WWOX: variants seen among roughly 807,000 people sequenced by gnomAD.
The protein encoded by WWOX is WW domain-containing oxidoreductase.
A neutral mutation model predicts 46.2 loss-of-function variants in WWOX; 69 were observed. That is an observed-to-expected ratio of 1.49 (90% CI 1.23 to 1.82). The LOEUF (loss-of-function observed/expected upper bound fraction) is 1.82. Among genes scored for constraint, WWOX ranks in the 40% most tolerant of loss-of-function variants. The pLI, the probability that WWOX is intolerant of heterozygous loss-of-function variation, is 0.00. For missense variants in WWOX, 919 were observed against 542.6 expected (o/e 1.69, Z -6.89); for synonymous variants, 359 against 202.6 (o/e 1.77, Z -6.56).
intron 8 of WWOX, among the ~76,000 whole-genome samples, chr16:79,153,838 C>A (rs1172639870): frequency 1.3e-5 from 2 of 152,018 alleles, no homozygotes; most frequent in Non-Finnish European, 2.9e-5. Flanking sequence ...CAAATAAGAA[C>A]AGGTTGTAAC....
At chr16:78,848,878 T>C (rs896740549) in intron 8 of WWOX, among the ~76,000 whole-genome samples, 3 of 152,216 alleles carry the variant, frequency 2.0e-5, no homozygotes, top group African/African-American at 7.2e-5. Flanking sequence ...GAAAAATCTA[T>C]TTAGCCCAGT....
chr16:78,209,610 T>C (rs2151785799), intron 5 of WWOX, among the ~76,000 whole-genome samples: 1 of 152,304 alleles, frequency 6.6e-6, no homozygotes, highest in South Asian at 2.1e-4. Flanking sequence ...GTAAATCTAA[T>C]ACCTTCCATC....
intron 8 of WWOX, among the ~76,000 whole-genome samples, chr16:78,676,475 C>A (rs942301421): frequency 1.3e-5 from 2 of 151,828 alleles, no homozygotes; most frequent in African/African-American, 2.4e-5. Flanking sequence ...AAGCTCCCCA[C>A]CCCCACCTTT....
intron 6 of WWOX, among the ~76,000 whole-genome samples, chr16:78,399,966 T>C (rs1312907556): frequency 1.3e-5 from 2 of 152,150 alleles, no homozygotes; most frequent in East Asian, 3.9e-4. Context: ...CTGCTGAAAA[T>C]CCCCAAGGAA....
chr16:79,201,449 G>A (rs552480866), intron 8 of WWOX, among the ~76,000 whole-genome samples: 4 of 151,462 alleles, frequency 2.6e-5, no homozygotes, highest in African/African-American at 9.7e-5. Flanking sequence ...GAGCTGGCTC[G>A]GTTTTCTAAA....
chr16:78,406,101 C>T (rs1369946810), intron 6 of WWOX, among the ~76,000 whole-genome samples: 1 of 151,258 alleles, frequency 6.6e-6, no homozygotes, highest in East Asian at 2.0e-4. Context: ...TAAAAGATGC[C>T]CTTCGTATTG....
chr16:78,419,950 C>T (rs117394566), intron 6 of WWOX, among the ~76,000 whole-genome samples: 2,187 of 152,116 alleles, frequency 0.014, 21 homozygotes, highest in Non-Finnish European at 0.021. Context: ...AATGAAAACT[C>T]ATTTAAAAAA....
intron 8 of WWOX, chr16:79,101,402 C>A (rs1320148190): frequency 2.6e-5 from 4 of 151,996 alleles, no homozygotes; most frequent in African/African-American, 9.7e-5. Context: ...GTAAATTCCC[C>A]AAATTTACAA....
rs542703454 is a variant in WWOX at position 79,125,806 on chromosome 16, G to A, written c.1057-85802G>A. On this transcript the variant is annotated intron_variant, in intron 8 of 8. Transcript: ENST00000566780. ...CCCTTGTGCTAAATTGAAACATTAT[G>A]GTGTTGCTTTGAGCAAACAATTAGC... Among the ~76,000 whole-genome samples the A allele has an allele frequency of 2.6e-5, 4 of 152,270 alleles. No homozygotes were observed. In the East Asian group the frequency reaches 5.8e-4, roughly 22 times the overall value.
Position 78,340,494 on chromosome 16 carries a change from C to G in WWOX, c.517-46366C>G, listed in dbSNP as rs1273680631. On this transcript the variant is annotated intron_variant, in intron 5 of 8. Coordinates refer to ENST00000566780, the MANE Select transcript of WWOX (RefSeq NM_016373.4). ...AATGTGCTAGGATTACAGGCATGAA[C>G]CACCACACCTAGCCTCTTGATAAAG... Among the ~76,000 whole-genome samples the G allele has an allele frequency of 1.7e-5, 2 of 120,956 alleles. 1 individual carries two copies. The allele number at this position is 120,956 out of a possible 152,430, so 79.4% of individuals were successfully genotyped here. A position where few individuals can be genotyped will look rare whatever the true frequency, so the allele number is the denominator to read the frequency against.
chr16:78,888,762 A>T (rs1027965854), intron 8 of WWOX, among the ~76,000 whole-genome samples: 4 of 152,166 alleles, frequency 2.6e-5, no homozygotes, highest in Non-Finnish European at 5.9e-5. Flanking sequence ...GCCCAGGGTT[A>T]GTTCTATGAC....
intron 8 of WWOX, among the ~76,000 whole-genome samples, chr16:79,120,251 C>T (rs904819716): frequency 1.3e-5 from 2 of 152,166 alleles, no homozygotes; most frequent in African/African-American, 4.8e-5. Flanking sequence ...GATTCCCTAG[C>T]TAGGAACAGA....
chr16:79,166,785 G>C (rs1246578283), intron 8 of WWOX, among the ~76,000 whole-genome samples: 2 of 152,088 alleles, frequency 1.3e-5, no homozygotes, highest in East Asian at 3.9e-4. Flanking sequence ...GCATTCTTTA[G>C]TATATATCTT....
intron 8 of WWOX, among the ~76,000 whole-genome samples, chr16:78,727,837 C>G (rs187800907): frequency 6.6e-6 from 1 of 151,960 alleles, no homozygotes; most frequent in Non-Finnish European, 1.5e-5. Context: ...TGCTCTACAT[C>G]AGTGCTTCTT....
rs929940519 is a variant in WWOX at position 79,192,687 on chromosome 16, C to G, written c.1057-18921C>G. ...CATTTTTGCTTTATTTCTTTTGCCTCTCACTTTTTATTTCCTTTGTGGAGT... is the reference window on the plus strand; with the variant it reads ...CATTTTTGCTTTATTTCTTTTGCCTGTCACTTTTTATTTCCTTTGTGGAGT... On this transcript the variant is annotated intron_variant, in intron 8 of 8. Transcript: ENST00000566780. Among the ~76,000 whole-genome samples, 18 of 152,166 alleles carry G rather than the reference C, an allele frequency of 1.2e-4. 1 individual carries two copies. The highest frequency in any genetic ancestry group is 1.1e-3 in the Admixed American group (17 of 15,258).
intron 5 of WWOX, among the ~76,000 whole-genome samples, chr16:78,227,062 G>A (rs972941371): frequency 6.6e-6 from 1 of 152,140 alleles, no homozygotes; most frequent in East Asian, 1.9e-4. Context: ...TCAGCTTCCC[G>A]TTCTGATCCT....
chr16:78,661,187 C>G (rs575854082), intron 8 of WWOX, among the ~76,000 whole-genome samples: 1 of 152,262 alleles, frequency 6.6e-6, no homozygotes, highest in South Asian at 2.1e-4. Flanking sequence ...AATGGTTAAA[C>G]CAATTTCCTC....
intron 8 of WWOX, among the ~76,000 whole-genome samples, chr16:78,652,629 A>G (rs771566270): frequency 2.6e-5 from 4 of 152,074 alleles, no homozygotes; most frequent in African/African-American, 4.8e-5. Context: ...CATCATTAGC[A>G]CACAGCCAAG....
intron 8 of WWOX, among the ~76,000 whole-genome samples, chr16:78,520,697 G>T (rs1479309587): frequency 6.6e-6 from 1 of 151,942 alleles, no homozygotes; most frequent in Admixed American, 6.6e-5. Flanking sequence ...TACGTGGGGA[G>T]AGCTTCATGA....
Sources: gnomAD v4.1 joint callset for allele counts (sites outside exome capture counted in the v4.1 genomes callset) on GRCh38, gnomAD v4.1.1 for gene constraint, MANE v1.5 for transcripts, NCBI Gene and HGNC (gene_info 2026-07-23, HGNC 2026-07-21) for gene names.